Variants in CAST observed in about 807,000 individuals in gnomAD.
The protein encoded by CAST is MIR583 host.
Under a neutral mutation model 119.6 loss-of-function variants are expected in CAST, and 76 were observed. The observed-to-expected ratio is 0.64, with a 90% confidence interval of 0.53 to 0.77. The LOEUF (loss-of-function observed/expected upper bound fraction) is 0.77. Ranked by LOEUF, CAST falls within the 30% of genes least tolerant of loss-of-function variation. The pLI is 0.00. For missense variants in CAST, 953 were observed against 946.5 expected, an observed-to-expected ratio of 1.01 and a Z score of -0.09; for synonymous variants, 319 against 331.6, an observed-to-expected ratio of 0.96 and a Z score of 0.41.
chr5:96,064,805 G>A, the CAST span, among the ~76,000 whole-genome samples: 1 of 152,184 alleles, frequency 6.6e-6, no homozygotes, highest in South Asian at 2.1e-4. Context: ...TCCCTTTTCT[G>A]GGAATTGTTT....
chr5:96,117,093 T>G, the CAST span, among the ~76,000 whole-genome samples: 2 of 152,202 alleles, frequency 1.3e-5, no homozygotes, highest in Non-Finnish European at 2.9e-5. Flanking sequence ...GCTGCTGCTT[T>G]CCAATGGCTT....
At chr5:96,335,775 ATTTG>A in the CAST span, among the ~76,000 whole-genome samples, 3 of 152,222 alleles carry the variant, frequency 2.0e-5, no homozygotes, top group East Asian at 5.8e-4. Flanking sequence ...CTAAACCTCT[ATTTG>A]TTCTGTTACC....
At chr5:96,389,477 A>G in the CAST span, among the ~76,000 whole-genome samples, 3 of 152,232 alleles carry the variant, frequency 2.0e-5, no homozygotes, top group Non-Finnish European at 4.4e-5. Context: ...CTGAAAGATC[A>G]TTCTAGTTTT....
At chr5:96,372,598 G>C in the CAST span, among the ~76,000 whole-genome samples, 1 of 152,304 alleles carries the variant, frequency 6.6e-6, no homozygotes, top group South Asian at 2.1e-4. Flanking sequence ...CCTGATCCCA[G>C]AGTTGAGGAA....
chr5:96,566,897 C>T (rs1197896803), intron 1 of CAST, among the ~76,000 whole-genome samples: 2 of 152,096 alleles, frequency 1.3e-5, no homozygotes, highest in Non-Finnish European at 2.9e-5. Context: ...GAGTGCTTTA[C>T]TTATGTTTTA....
At chr5:96,240,406 C>T in the CAST span, among the ~76,000 whole-genome samples, 2 of 152,260 alleles carry the variant, frequency 1.3e-5, no homozygotes, top group South Asian at 2.1e-4. Flanking sequence ...GGCAAGCGTC[C>T]GATTTCTGGG....
the CAST span, among the ~76,000 whole-genome samples, chr5:96,234,458 T>C: frequency 6.6e-6 from 1 of 152,180 alleles, no homozygotes; most frequent in African/African-American, 2.4e-5. Flanking sequence ...ACACAAACCA[T>C]ACTAAATCAG....
chr5:96,367,643 C>T, the CAST span, among the ~76,000 whole-genome samples: 3 of 152,124 alleles, frequency 2.0e-5, no homozygotes, highest in Non-Finnish European at 4.4e-5. Flanking sequence ...ATATAATCTC[C>T]TGATGTGTCG....
At chr5:96,505,711 C>G in the CAST span, among the ~76,000 whole-genome samples, 2 of 152,134 alleles carry the variant, frequency 1.3e-5, no homozygotes, top group Non-Finnish European at 2.9e-5. Context: ...CTAAAAGGAC[C>G]CAGTTGAGGC....
At chr5:96,201,293 G>A in the CAST span, among the ~76,000 whole-genome samples, 2 of 151,992 alleles carry the variant, frequency 1.3e-5, no homozygotes, top group Non-Finnish European at 2.9e-5. Flanking sequence ...GCAGGAAAAC[G>A]AAAAAGGAAT....
At chr5:96,396,815 G>A in the CAST span, among the ~76,000 whole-genome samples, 3 of 152,278 alleles carry the variant, frequency 2.0e-5, no homozygotes, top group East Asian at 5.8e-4. Context: ...TAAACAGAAT[G>A]AAAAAGAAAT....
the CAST span, among the ~76,000 whole-genome samples, chr5:96,240,958 GA>G: frequency 4.6e-5 from 7 of 152,086 alleles, no homozygotes; most frequent in East Asian, 1.3e-3. Context: ...AATACAGAAT[GA>G]AATTTATTAT....
At chr5:96,499,724 G>A in the CAST span, among the ~76,000 whole-genome samples, 103 of 152,242 alleles carry the variant, frequency 6.8e-4, 1 homozygote, top group South Asian at 2.7e-3. Context: ...CAATCCTCTC[G>A]AACCCTGCTG....
chr5:96,154,020 G>C, the CAST span, among the ~76,000 whole-genome samples: 1 of 152,140 alleles, frequency 6.6e-6, no homozygotes, highest in Non-Finnish European at 1.5e-5. Context: ...GCCGGGCGTG[G>C]TGGCTCATGC....
chr5:96,359,154 A>G, the CAST span, among the ~76,000 whole-genome samples: 1 of 151,878 alleles, frequency 6.6e-6, no homozygotes, highest in African/African-American at 2.4e-5. Context: ...CTAGGATTGC[A>G]ACCCCTGCTT....
intron 1 of CAST, among the ~76,000 whole-genome samples, chr5:96,645,312 CAT>C (rs746476775): frequency 2.7e-4 from 41 of 152,202 alleles, no homozygotes; most frequent in Non-Finnish European, 4.6e-4. Flanking sequence ...ATGAGATCCA[CAT>C]GACTTACCAC....
the CAST span, among the ~76,000 whole-genome samples, chr5:96,348,312 TCTTTG>T: frequency 2.2e-4 from 34 of 152,170 alleles, no homozygotes; most frequent in African/African-American, 7.2e-4. Flanking sequence ...TTTATTCTAC[TCTTTG>T]TTTTGTTTTT....
intron 2 of CAST, among the ~76,000 whole-genome samples, chr5:96,688,514 G>A (rs1338268872): frequency 1.3e-5 from 2 of 152,138 alleles, no homozygotes; most frequent in Admixed American, 1.3e-4. Flanking sequence ...TAAAATCATA[G>A]CGCTGATATA....
At chr5:96,194,219 C>T in the CAST span, among the ~76,000 whole-genome samples, 1 of 152,180 alleles carries the variant, frequency 6.6e-6, no homozygotes, top group Non-Finnish European at 1.5e-5. Context: ...AAGAGACACA[C>T]TGAGTAAATG....
Sources: allele counts gnomAD v4.1 joint callset (sites outside exome capture counted in the v4.1 genomes callset), GRCh38; gene constraint gnomAD v4.1.1; transcripts MANE v1.5; gene names NCBI Gene and HGNC (gene_info 2026-07-23, HGNC 2026-07-21).